The following HGF variants were observed in gnomAD, a reference collection of about 807,000 sequenced individuals.
HGF encodes fibroblast-derived tumor cytotoxic factor.
Under a neutral mutation model 111.6 loss-of-function variants are expected in HGF, and 39 were observed. The observed-to-expected ratio is 0.35, with a 90% CI of 0.27 to 0.46. The LOEUF (loss-of-function observed/expected upper bound fraction) is 0.46. Among genes scored for constraint, HGF ranks in the 20% least tolerant of loss-of-function variants. The pLI, the probability that HGF is intolerant of heterozygous loss-of-function variation, is 1.00. For synonymous variants in HGF, 285 were observed against 294.8 expected (o/e 0.97, Z 0.34); for missense variants, 735 against 910.5 (o/e 0.81, Z 2.48).
chr7:81,703,190 A>C (rs1266071789), intron 17 of HGF, among the ~76,000 whole-genome samples: 1 of 151,454 alleles, frequency 6.6e-6, no homozygotes, highest in African/African-American at 2.4e-5. Context: ...ACTTGTAATC[A>C]TATAGTTTTA....
chr7:81,707,167 A>G, intron 14 of HGF, 123 bp downstream of exon 14: 1 of 669,890 alleles, frequency 1.5e-6, no homozygotes, highest in Non-Finnish European at 2.7e-6. Flanking sequence ...TAAAAATGAA[A>G]TAATTTGTTC....
chr7:81,746,000 G>T (rs1788231486), intron 5 of HGF, among the ~76,000 whole-genome samples: 1 of 152,156 alleles, frequency 6.6e-6, no homozygotes, highest in African/African-American at 2.4e-5. Flanking sequence ...TATGAATCAG[G>T]CAAACTTCCT....
chr7:81,769,921 C>A lies in HGF; in HGVS notation c.51G>T (p.Leu17=). 6.4e-7 allele frequency: 1 copy of A among 1,569,702 alleles called. No homozygotes were observed. The highest frequency in any genetic ancestry group is 1.2e-5 in the South Asian group (1 of 85,202). ...LPALLLQHVL[L]HLLLLPIAIP... is the part of the protein sequence containing the mutation. ...TGGCGATGGGGAGCAGGAGGAGATG[C>A]AGGAGGACATGCTGCAGCAGCAGGG... is the stretch of plus-strand genomic sequence containing the variant. Residue 17 remains leucine, a synonymous_variant, in exon 1 of 18, where the codon CTG becomes CTT. Coordinates refer to ENST00000222390, the MANE Select transcript of HGF (RefSeq NM_000601.6).
At chr7:81,739,676 C>G (rs1212155886) in intron 7 of HGF, among the ~76,000 whole-genome samples, 1 of 151,908 alleles carries the variant, frequency 6.6e-6, no homozygotes, top group Non-Finnish European at 1.5e-5. Flanking sequence ...ACATGTATCT[C>G]AAGAAGGGAC....
intron 9 of HGF, among the ~76,000 whole-genome samples, chr7:81,724,755 G>C (rs1258641804): frequency 6.6e-6 from 1 of 152,116 alleles, no homozygotes; most frequent in Non-Finnish European, 1.5e-5. Flanking sequence ...GTGTTGAATG[G>C]TAGTTGTGTT....
chr7:81,711,642 T>C, intron 11 of HGF, 123 bp from the exon 12 acceptor site: 1 of 509,482 alleles, frequency 2.0e-6, no homozygotes, highest in Non-Finnish European at 3.5e-6. Context: ...ATTTTTGTTG[T>C]TGTTGTTTTG....
rs955355336 is a variant in HGF, at chr7:81,699,917, T to C, written c.*2664A>G. The C allele has an allele frequency of 2.6e-5, 4 of 151,628 alleles. No homozygotes were observed. The highest frequency in any genetic ancestry group is 9.7e-5 in the African/African-American group (4 of 41,378). The allele number at this position is 151,628 out of a possible 1,614,324, so 9.4% of individuals were successfully genotyped here. ...TGAGGACCTGCCCACAGCATATAGG[T>C]AAAAGTCATTACACATTTTACAATA... On this transcript the variant is annotated 3_prime_UTR_variant, in exon 18 of 18. Transcript: ENST00000222390.
At chr7:81,759,823 C>T (rs1246428859) in intron 2 of HGF, among the ~76,000 whole-genome samples, 2 of 152,128 alleles carry the variant, frequency 1.3e-5, no homozygotes, top group Non-Finnish European at 2.9e-5. Context: ...ATCTTTTTGA[C>T]ATAACATCTT....
Position 81,708,297 on chromosome 7 carries a change from A to G in HGF, c.1542-933T>C, listed in dbSNP as rs575925738. On this transcript the variant is annotated intron_variant, in intron 13 of 17. Coordinates refer to ENST00000222390, the MANE Select transcript of HGF (RefSeq NM_000601.6). Reference sequence around the variant, plus strand: ...TGCTAAGAACTTGGATTTAAAAAGGAAAAAAACTAAAAATTTACAGTACTC... The same window carrying G: ...TGCTAAGAACTTGGATTTAAAAAGGGAAAAAACTAAAAATTTACAGTACTC... 2.9e-4 allele frequency among the ~76,000 whole-genome samples: 44 copies of G among 152,114 alleles called. 2 individuals are homozygous for G. In the South Asian group the frequency reaches 8.1e-3, roughly 28 times the overall value.
chr7:81,735,066 G>A (rs1562887183), intron 7 of HGF, among the ~76,000 whole-genome samples: 1 of 152,014 alleles, frequency 6.6e-6, no homozygotes, highest in African/African-American at 2.4e-5. Context: ...GTGTAATAAA[G>A]CCACTCTCCC....
intron 10 of HGF, among the ~76,000 whole-genome samples, chr7:81,718,878 C>T (rs1789782488): frequency 6.6e-6 from 1 of 152,132 alleles, no homozygotes; most frequent in African/African-American, 2.4e-5. Flanking sequence ...TCCACCCCAC[C>T]CACCACTGCA....
At chr7:81,752,067 G>A (rs539421564) in intron 5 of HGF, 53 bp downstream of exon 5, 1 of 1,611,216 alleles carries the variant, frequency 6.2e-7, no homozygotes, top group Non-Finnish European at 8.5e-7. Context: ...GTGAGTTACA[G>A]TTCTACACAT....
intron 7 of HGF, among the ~76,000 whole-genome samples, chr7:81,740,362 A>G (rs1787964014): frequency 6.6e-6 from 1 of 152,208 alleles, no homozygotes; most frequent in Non-Finnish European, 1.5e-5. Context: ...ATCTCTTACA[A>G]CCAGTACAAG....
At chr7:81,757,732 T>C (rs1401840824) in intron 3 of HGF, among the ~76,000 whole-genome samples, 1 of 152,158 alleles carries the variant, frequency 6.6e-6, no homozygotes, top group Admixed American at 6.5e-5. Context: ...TGGATTTTTG[T>C]TTATATATGC....
Position 81,700,907 on chromosome 7 carries a change from A to G in HGF, c.*1674T>C, listed in dbSNP as rs1443122794. 1 of 151,652 alleles carries G rather than the reference A, an allele frequency of 6.6e-6. No homozygotes were observed. Among genetic ancestry groups the G allele is most frequent in the Non-Finnish European group, 1.5e-5 (1 of 67,676 alleles). 9.4% of individuals were successfully genotyped at this position (151,652 alleles called of 1,614,324 possible). The stretch of plus-strand genomic sequence containing the variant: ...TTTAGTCCAGATTGAACAGTACTCT[A>G]AAGAGCTGGTAGGGAATTGTTTGGG... On this transcript the variant is annotated 3_prime_UTR_variant, in exon 18 of 18. Transcript: ENST00000222390.
chr7:81,751,762 C>T, intron 5 of HGF: 4 of 1,080,740 alleles, frequency 3.7e-6, no homozygotes, highest in Non-Finnish European at 4.5e-6. Flanking sequence ...ATTAACATTG[C>T]TAATGAAAGG....
intron 7 of HGF, among the ~76,000 whole-genome samples, chr7:81,731,336 G>C (rs1217123037): frequency 2.0e-5 from 3 of 152,038 alleles, no homozygotes; most frequent in African/African-American, 7.2e-5. Context: ...ATATGACTCA[G>C]AAATATCCAA....
intron 1 of HGF, among the ~76,000 whole-genome samples, chr7:81,767,478 A>G (rs1014663003): frequency 6.6e-6 from 1 of 152,166 alleles, no homozygotes; most frequent in Non-Finnish European, 1.5e-5. Context: ...TCAGTTGCTC[A>G]ACAAATTTAA....
chr7:81,769,601 C>T (rs1789530804), intron 1 of HGF, among the ~76,000 whole-genome samples: 1 of 152,168 alleles, frequency 6.6e-6, no homozygotes, highest in African/African-American at 2.4e-5. Context: ...GCACTTCCTC[C>T]CTATCTCATA....
Sources: allele counts gnomAD v4.1 joint callset (sites outside exome capture counted in the v4.1 genomes callset), GRCh38; gene constraint gnomAD v4.1.1; transcripts MANE v1.5; gene names NCBI Gene and HGNC (gene_info 2026-07-23, HGNC 2026-07-21).